The following CSMD3 variants were observed in gnomAD, a reference collection of about 807,000 sequenced individuals.
The protein encoded by CSMD3 is CUB and sushi domain-containing protein 3.
Under a neutral mutation model 435.2 loss-of-function variants are expected in CSMD3, and 177 were observed. The observed-to-expected ratio is 0.41, with a 90% CI of 0.36 to 0.46. The LOEUF (loss-of-function observed/expected upper bound fraction) is 0.46, where lower values mean the gene tolerates loss of function less well. Ranked by LOEUF, CSMD3 falls within the 20% of genes least tolerant of loss-of-function variation. CSMD3 has a pLI of 0.34. For missense variants in CSMD3, 4,265 were observed against 4,504.6 expected (o/e 0.95, Z 1.52); for synonymous variants, 1,656 against 1,520.5 (o/e 1.09, Z -2.07).
At chr8:112,453,007 A>T (rs905594571) in intron 32 of CSMD3, among the ~76,000 whole-genome samples, 2 of 152,192 alleles carry the variant, frequency 1.3e-5, no homozygotes, top group Non-Finnish European at 2.9e-5. Context: ...ACTGTGCTCA[A>T]TGCTTTAAAT....
At chr8:113,140,337 C>T (rs1233367700) in intron 4 of CSMD3, among the ~76,000 whole-genome samples, 5 of 150,482 alleles carry the variant, frequency 3.3e-5, no homozygotes. Context: ...ACTTTCTCAA[C>T]AACTGATAGA....
chr8:112,920,226 G>T (rs932538283), intron 10 of CSMD3, among the ~76,000 whole-genome samples: 2 of 151,778 alleles, frequency 1.3e-5, no homozygotes, highest in African/African-American at 4.8e-5. Flanking sequence ...AAGGAGGGGG[G>T]AAAGATTAGT....
In CSMD3 at chr8:113,375,506, CTATT is replaced by C. The variant is rs766617628; in HGVS notation, c.179-60717_179-60714del. ...TTCAAGATGGATTCAAAGCCAAAGA[CTATT>C]TAATACACACACACACACACACACA... On this transcript the variant is annotated intron_variant, in intron 1 of 70. Transcript: ENST00000297405. Among the ~76,000 whole-genome samples the C allele has an allele frequency of 1.9e-4, 24 of 128,174 alleles. No homozygotes were observed. In the East Asian group the frequency reaches 2.1e-3, roughly 11 times the overall value. 84.1% of individuals were successfully genotyped at this position (128,174 alleles called of 152,430 possible).
intron 1 of CSMD3, among the ~76,000 whole-genome samples, chr8:113,326,134 A>G (rs2093982154): frequency 6.6e-6 from 1 of 152,158 alleles, no homozygotes; most frequent in South Asian, 2.1e-4. Flanking sequence ...ATGCAGTGGT[A>G]TTTGCCCTAT....
intron 13 of CSMD3, among the ~76,000 whole-genome samples, chr8:112,773,099 C>CA (rs2132207436): frequency 6.6e-6 from 1 of 152,088 alleles, no homozygotes; most frequent in African/African-American, 2.4e-5. Context: ...TCTCTCATTC[C>CA]ACCTGACGAG....
At chr8:112,427,095 G>A (rs947763796) in intron 32 of CSMD3, among the ~76,000 whole-genome samples, 6 of 152,116 alleles carry the variant, frequency 3.9e-5, no homozygotes, top group Admixed American at 1.3e-4. Context: ...ACAAAAATGA[G>A]GATATTTAGT....
chr8:112,887,752 C>A (rs79022076), intron 10 of CSMD3, among the ~76,000 whole-genome samples: 2 of 138,054 alleles, frequency 1.4e-5, no homozygotes, highest in Non-Finnish European at 1.6e-5. Context: ...AAAAAAAAAA[C>A]TTGAATGATC....
chr8:112,413,262 G>T (rs575889860), intron 32 of CSMD3, among the ~76,000 whole-genome samples: 21 of 152,138 alleles, frequency 1.4e-4, no homozygotes, highest in Non-Finnish European at 2.5e-4. Flanking sequence ...TGTAGACAAA[G>T]CAAGCTTTAT....
At chr8:112,885,255 T>C (rs1027874371) in intron 10 of CSMD3, among the ~76,000 whole-genome samples, 13 of 151,242 alleles carry the variant, frequency 8.6e-5, no homozygotes, top group African/African-American at 3.2e-4. Context: ...AGATGCCAAG[T>C]AGCAGAATGA....
At chr8:112,591,182 A>T (rs541373439) in intron 22 of CSMD3, among the ~76,000 whole-genome samples, 1 of 152,146 alleles carries the variant, frequency 6.6e-6, no homozygotes, top group East Asian at 1.9e-4. Context: ...TCCTATTCAT[A>T]TAAAATATTT....
rs370625592 is a variant in CSMD3 at position 112,947,979 on chromosome 8, G to T, written c.1421-102C>A. ...TACATAAAATGTATTATTGTATTTTGTCACTATAATCACTGTCATTTAAGC... is the reference window on the plus strand; with the variant it reads ...TACATAAAATGTATTATTGTATTTTTTCACTATAATCACTGTCATTTAAGC... On this transcript the variant is annotated intron_variant, in intron 8 of 70. Transcript: ENST00000297405. 290 of 643,140 alleles carry T rather than the reference G, an allele frequency of 4.5e-4. 4 individuals carry two copies. In the South Asian group the frequency reaches 5.1e-3, roughly 11 times the overall value. 39.8% of individuals were successfully genotyped at this position (643,140 alleles called of 1,614,324 possible).
rs149308903 is a variant in CSMD3, at chr8:112,517,175, G to C, written c.4615C>G (p.Arg1539Gly). ...CCAGGTTCTCTTCCATCCCCATTTC[G>C]AGTCCCATTCATGGGGACCCCTGGG... Reference protein sequence around the residue: ...RDPGVPMNGTRNGDGREPGDT... With the variant: ...RDPGVPMNGTGNGDGREPGDT... Residue 1539 changes from arginine (R) to glycine (G), a missense_variant, in exon 28 of 71, where the codon CGA becomes GGA. This residue lies in a region of CSMD3 where 3,255 missense variants were observed against 3,380.2 expected (regional missense o/e 0.96). Coordinates refer to ENST00000297405, the MANE Select transcript of CSMD3 (RefSeq NM_198123.2). The C allele has an allele frequency of 6.2e-7, 1 of 1,613,522 alleles. No individual in the cohort carries two copies. The highest frequency in any genetic ancestry group is 8.5e-7 in the Non-Finnish European group (1 of 1,179,802).
intron 45 of CSMD3, among the ~76,000 whole-genome samples, chr8:112,334,698 T>C (rs534395036): frequency 1.0e-3 from 154 of 152,324 alleles, no homozygotes; most frequent in African/African-American, 3.6e-3. Flanking sequence ...GAAACACCTC[T>C]GTGAAACCTT....
chr8:112,686,530 A>C (rs1224126138), intron 14 of CSMD3, among the ~76,000 whole-genome samples: 2 of 147,442 alleles, frequency 1.4e-5, no homozygotes, highest in Non-Finnish European at 3.0e-5. Context: ...TTTGTTGCCC[A>C]GGCTGGAGTG....
At chr8:113,130,711 G>A (rs1164159623) in intron 4 of CSMD3, among the ~76,000 whole-genome samples, 1 of 152,154 alleles carries the variant, frequency 6.6e-6, no homozygotes, top group Admixed American at 6.6e-5. Flanking sequence ...ACTGGGTAAT[G>A]AACAGACATT....
At chr8:112,999,008 C>A (rs1026796939) in intron 6 of CSMD3, among the ~76,000 whole-genome samples, 2 of 151,940 alleles carry the variant, frequency 1.3e-5, no homozygotes, top group African/African-American at 4.8e-5. Context: ...TCAGGTATTT[C>A]TTTACAGCAG....
intron 1 of CSMD3, among the ~76,000 whole-genome samples, chr8:113,333,921 A>G (rs1017973058): frequency 6.6e-6 from 1 of 151,876 alleles, no homozygotes; most frequent in Admixed American, 6.6e-5. Flanking sequence ...CTCTCCATTT[A>G]TATAGATCCC....
chr8:112,640,614 A>C (rs538496121), intron 20 of CSMD3, among the ~76,000 whole-genome samples: 5 of 151,510 alleles, frequency 3.3e-5, no homozygotes, highest in African/African-American at 1.2e-4. Context: ...TCTCCTCTCT[A>C]TAATTGGCAG....
At chr8:113,380,262 A>G (rs1260633921) in intron 1 of CSMD3, among the ~76,000 whole-genome samples, 4 of 152,180 alleles carry the variant, frequency 2.6e-5, no homozygotes, top group Non-Finnish European at 5.9e-5. Context: ...ATCTTATAAC[A>G]TTCTAATTTA....
Sources: allele counts gnomAD v4.1 joint callset (sites outside exome capture counted in the v4.1 genomes callset), GRCh38; gene constraint gnomAD v4.1.1; regional missense constraint gnomAD v4.1.1; transcripts MANE v1.5; gene names NCBI Gene and HGNC (gene_info 2026-07-23, HGNC 2026-07-21).